CAPN14: variants seen among roughly 807,000 people sequenced by gnomAD.
CAPN14 encodes the protein calpain-14.
CAPN14 carries 94 observed loss-of-function variants against 101.3 expected under a neutral mutation model. The observed-to-expected ratio is 0.93, with a 90% CI of 0.79 to 1.10. CAPN14 has a LOEUF of 1.10. Among genes scored for constraint, CAPN14 ranks in the 50% least tolerant of loss-of-function variants. The pLI is 0.00. For missense variants in CAPN14, 837 were observed against 828.4 expected, an observed-to-expected ratio of 1.01 and a Z score of -0.13; for synonymous variants, 338 against 317.9, an observed-to-expected ratio of 1.06 and a Z score of -0.67.
At chr2:31,182,347 G>A (rs1406302466) in intron 16 of CAPN14, among the ~76,000 whole-genome samples, 1 of 149,340 alleles carries the variant, frequency 6.7e-6, no homozygotes, top group Non-Finnish European at 1.5e-5. Flanking sequence ...CAATCAGGCA[G>A]GAGAAGGAAA....
chr2:31,220,750 A>G (rs1682838855), upstream of CAPN14, among the ~76,000 whole-genome samples: 1 of 152,160 alleles, frequency 6.6e-6, no homozygotes, highest in Admixed American at 6.5e-5. Flanking sequence ...AATCGCTTGA[A>G]CCAGGGAGGC....
At chr2:31,215,864 A>G (rs1682620146) in intron 1 of CAPN14, among the ~76,000 whole-genome samples, 1 of 145,972 alleles carries the variant, frequency 6.9e-6, no homozygotes, top group African/African-American at 2.5e-5. Context: ...AAAAAAAAAA[A>G]GAAACTATTT....
intron 1 of CAPN14, among the ~76,000 whole-genome samples, chr2:31,212,712 C>T (rs1055507860): frequency 6.6e-6 from 1 of 152,220 alleles, no homozygotes; most frequent in Non-Finnish European, 1.5e-5. Flanking sequence ...TTCATTCACA[C>T]ATTTACTGAA....
intron 18 of CAPN14, among the ~76,000 whole-genome samples, 173 bp from the exon 19 acceptor site, chr2:31,177,994 C>T (rs1486283416): frequency 2.0e-5 from 3 of 152,172 alleles, no homozygotes; most frequent in Non-Finnish European, 2.9e-5. Context: ...GGGATCCTAC[C>T]GCCTCATGTT....
At chr2:31,179,186 A>G (rs1680468595) in intron 17 of CAPN14, among the ~76,000 whole-genome samples, 1 of 151,004 alleles carries the variant, frequency 6.6e-6, no homozygotes, top group Non-Finnish European at 1.5e-5. Context: ...CTCGTCATTT[A>G]CATTAGGTAT....
Position 31,178,552 on chromosome 2 carries a change from G to A in CAPN14, c.1738C>T (p.Gln580Ter). Reference sequence around the variant, plus strand: ...TGCTTCCACAGGTCCCTGAATTCCTGGATGCTCATAGTACCTGATGCATTA... The same window carrying A: ...TGCTTCCACAGGTCCCTGAATTCCTAGATGCTCATAGTACCTGATGCATTA... ...DLNASGTMSI[Q>*]EFRDLWKQLK... is the part of the protein sequence containing the mutation. Residue 580 changes from glutamine (Q) to a stop codon, truncating the protein, a stop_gained, in exon 18 of 22, where the codon CAG (glutamine) becomes TAG (stop). Transcript: ENST00000403897. LOFTEE classifies it high-confidence loss of function. The A allele has an allele frequency of 7.1e-6, 11 of 1,548,784 alleles. No homozygotes were observed. The highest frequency in any genetic ancestry group is 9.6e-6 in the Non-Finnish European group (11 of 1,145,882).
chr2:31,185,223 T>C (rs61245117), intron 16 of CAPN14, among the ~76,000 whole-genome samples: 50,765 of 152,044 alleles, frequency 0.33, 10,059 homozygotes, highest in African/African-American at 0.55. Context: ...CTAAGAACTC[T>C]CATCTAAACA....
upstream of CAPN14, among the ~76,000 whole-genome samples, chr2:31,220,450 C>A (rs1682827843): frequency 6.6e-6 from 1 of 152,222 alleles, no homozygotes; most frequent in Non-Finnish European, 1.5e-5. Flanking sequence ...GGTAGCATTA[C>A]CCTGGCCAGG....
chr2:31,187,883 A>C, intron 14 of CAPN14, 69 bp from the exon 15 acceptor site: 17 of 1,181,792 alleles, frequency 1.4e-5, no homozygotes, highest in Non-Finnish European at 2.0e-5. Flanking sequence ...GCACACCCTA[A>C]TGTCTCATGG....
chr2:31,222,548 T>C (rs1682891801), intron 2 of CAPN14, among the ~76,000 whole-genome samples: 1 of 152,224 alleles, frequency 6.6e-6, no homozygotes. Context: ...ACATGATTAG[T>C]GGAAAAATTC....
At chr2:31,187,125 A>G (rs1558616224) in intron 15 of CAPN14, among the ~76,000 whole-genome samples, 1 of 152,304 alleles carries the variant, frequency 6.6e-6, no homozygotes, top group East Asian at 1.9e-4. Flanking sequence ...TTTTAGTGAC[A>G]TTGCTCAAAT....
chr2:31,233,351 C>T (rs778914399), intron 1 of CAPN14, among the ~76,000 whole-genome samples: 2 of 152,190 alleles, frequency 1.3e-5, no homozygotes, highest in Non-Finnish European at 2.9e-5. Flanking sequence ...ATACTCCTTA[C>T]GCTCCTAGAA....
At chr2:31,177,565 A>G (rs368493547) in intron 19 of CAPN14, among the ~76,000 whole-genome samples, 181 bp downstream of exon 19, 6 of 152,330 alleles carry the variant, frequency 3.9e-5, no homozygotes, top group South Asian at 4.1e-4. Context: ...CCCTCCATCA[A>G]TGTTGGCTAG....
rs1572421237 is a variant in CAPN14 at position 31,203,154 on chromosome 2, C to A, written c.226-15G>T. 2 of 1,550,588 alleles carry A rather than the reference C, an allele frequency of 1.3e-6. No homozygotes were observed. The highest frequency in any genetic ancestry group is 1.7e-6 in the Non-Finnish European group (2 of 1,146,030). On this transcript the variant is annotated splice_polypyrimidine_tract_variant and intron_variant, in intron 2 of 21. Coordinates refer to ENST00000403897, the MANE Select transcript of CAPN14 (RefSeq NM_001145122.2). Reference sequence around the variant, plus strand: ...CTGTGCAGCTCCTGGGAAAGACAAACAGAATTGTCATTCTGACCTAGAACA... The same window carrying A: ...CTGTGCAGCTCCTGGGAAAGACAAAAAGAATTGTCATTCTGACCTAGAACA...
At chr2:31,180,800 A>G (rs1003219549) in intron 17 of CAPN14, 136 bp downstream of exon 17, 9 of 692,086 alleles carry the variant, frequency 1.3e-5, no homozygotes, top group Admixed American at 2.6e-5. Context: ...ATCTGGATAC[A>G]TAATGAGGCT....
At chr2:31,189,162 C>T in intron 13 of CAPN14, 111 bp downstream of exon 13, 1 of 932,816 alleles carries the variant, frequency 1.1e-6, no homozygotes, top group Non-Finnish European at 1.7e-6. Context: ...TCCCCATCTC[C>T]CTTTTGTCTC....
At chr2:31,187,536 A>T (rs1380736740) in intron 15 of CAPN14, among the ~76,000 whole-genome samples, 1 of 152,228 alleles carries the variant, frequency 6.6e-6, no homozygotes, top group Non-Finnish European at 1.5e-5. Context: ...ATGAGCGTCC[A>T]AGAACAGAGA....
chr2:31,205,494 C>T lies in CAPN14; in HGVS notation c.-47G>A. Reference sequence around the variant, plus strand: ...AGTGAGTCTTCCTGAGGAGTCTCTGCTGCTCCTGAAATGGAGAGAGGACGG... The same window carrying T: ...AGTGAGTCTTCCTGAGGAGTCTCTGTTGCTCCTGAAATGGAGAGAGGACGG... On this transcript the variant is annotated 5_prime_UTR_variant, in exon 2 of 22. Coordinates refer to ENST00000403897, the MANE Select transcript of CAPN14 (RefSeq NM_001145122.2). 6.9e-7 allele frequency: 1 copy of T among 1,442,132 alleles called. No individual in the cohort carries two copies. Among genetic ancestry groups the T allele is most frequent in the Non-Finnish European group, 9.5e-7 (1 of 1,047,882 alleles). The allele number at this position is 1,442,132 out of a possible 1,614,324, so 89.3% of individuals were successfully genotyped here.
chr2:31,198,192 T>TTG (rs896432570), intron 7 of CAPN14, among the ~76,000 whole-genome samples: 1 of 152,194 alleles, frequency 6.6e-6, no homozygotes, highest in East Asian at 1.9e-4. Context: ...TTGGAAAGAC[T>TTG]AACAGAAACT....
Sources: allele counts gnomAD v4.1 joint callset (sites outside exome capture counted in the v4.1 genomes callset), GRCh38; gene constraint gnomAD v4.1.1; transcripts MANE v1.5; gene names NCBI Gene and HGNC (gene_info 2026-07-23, HGNC 2026-07-21).